WRN: variants seen among roughly 807,000 people sequenced by gnomAD.
WRN encodes bifunctional 3'-5' exonuclease/ATP-dependent helicase WRN.
In WRN, 149 loss-of-function variants were observed where a neutral mutation model predicts 180.7. The observed-to-expected ratio is 0.82, with a 90% CI of 0.72 to 0.94. WRN has a LOEUF of 0.94. WRN is among the 40% of genes least tolerant of loss of function. The pLI, the probability that WRN is intolerant of heterozygous loss-of-function variation, is 0.00. For synonymous variants in WRN, 548 were observed against 568.9 expected, an observed-to-expected ratio of 0.96 and a Z score of 0.52; for missense variants, 1,661 against 1,700.1, an observed-to-expected ratio of 0.98 and a Z score of 0.40.
At chr8:31,049,826 A>G (rs1483434660) in intron 1 of WRN, among the ~76,000 whole-genome samples, 1 of 152,120 alleles carries the variant, frequency 6.6e-6, no homozygotes, top group East Asian at 1.9e-4. Flanking sequence ...TAGTCCTGTC[A>G]TCATTCCAAC....
At position 31,164,017 on chromosome 8, in the gene WRN, T is replaced by C. The variant is rs1033087932; in HGVS notation, c.3983-3005T>C. On this transcript the variant is annotated intron_variant, in intron 33 of 34. Coordinates refer to ENST00000298139, the MANE Select transcript of WRN (RefSeq NM_000553.6). ...ACACCTGGCTAATTTTTAAGTATTT[T>C]TGTAGAGATGAGTTCTCACTACATT... Among the ~76,000 whole-genome samples, 91 of 152,240 alleles carry C rather than the reference T, an allele frequency of 6.0e-4. 1 individual carries two copies. Among genetic ancestry groups the C allele is most frequent in the African/African-American group, 2.2e-3 (90 of 41,552 alleles).
intron 17 of WRN, among the ~76,000 whole-genome samples, chr8:31,097,200 G>A (rs1167659817): frequency 2.0e-5 from 3 of 152,138 alleles, no homozygotes; most frequent in Non-Finnish European, 4.4e-5. Flanking sequence ...AATGAATGTT[G>A]AATCCTAGGT....
chr8:31,124,367 A>G (rs548579638), intron 21 of WRN, among the ~76,000 whole-genome samples, 155 bp from the exon 22 acceptor site: 1 of 152,188 alleles, frequency 6.6e-6, no homozygotes, highest in Non-Finnish European at 1.5e-5. Flanking sequence ...AAGGAATACA[A>G]CAGAACTTTC....
chr8:31,045,504 G>A (rs1367962839), intron 1 of WRN, among the ~76,000 whole-genome samples: 2 of 151,738 alleles, frequency 1.3e-5, no homozygotes, highest in South Asian at 2.1e-4. Context: ...CCAGGTTCAA[G>A]CAATTCTCCT....
intron 7 of WRN, among the ~76,000 whole-genome samples, chr8:31,069,479 TCA>T: frequency 6.6e-6 from 1 of 152,244 alleles, no homozygotes; most frequent in Middle Eastern, 3.4e-3. Flanking sequence ...AAAAAAAAAT[TCA>T]CAGTTTTAAA....
At chr8:31,169,603 A>G (rs1443124098) in intron 34 of WRN, among the ~76,000 whole-genome samples, 1 of 152,018 alleles carries the variant, frequency 6.6e-6, no homozygotes, top group Non-Finnish European at 1.5e-5. Context: ...TCTTTTGCTC[A>G]TTTTCGTATG....
At chr8:31,132,304 T>C in intron 23 of WRN, 61 bp from the exon 24 acceptor site, 1 of 1,570,546 alleles carries the variant, frequency 6.4e-7, no homozygotes, top group Non-Finnish European at 8.6e-7. Flanking sequence ...GCTAAATCTT[T>C]TGATTTCTAA....
Position 31,096,767 on chromosome 8 carries a change from G to GA in WRN, c.1899dup (p.Gly634ArgfsTer2). The GA allele has an allele frequency of 6.3e-7, 1 of 1,588,270 alleles. No homozygotes were observed. The highest frequency in any genetic ancestry group is 8.6e-7 in the Non-Finnish European group (1 of 1,165,480). ...CTTTTTTCTTTTGTTTGTTTTTACA[G>GA]AGGTAAATACCGGATTGTATACGTA... On this transcript the variant is annotated frameshift_variant and splice_region_variant. Coordinates refer to ENST00000298139, the MANE Select transcript of WRN (RefSeq NM_000553.6). LOFTEE classifies it high-confidence loss of function.
In WRN at chr8:31,164,521, TTTG is replaced by T. The variant is rs1290602841; in HGVS notation, c.3983-2498_3983-2496del. ...CATAGCTATTAATTTCATACTCTTA[TTTG>T]TTAAGTAGATTTTGTCTGGAAAACT... On this transcript the variant is annotated intron_variant, in intron 33 of 34. Transcript: ENST00000298139. Among the ~76,000 whole-genome samples the T allele has an allele frequency of 2.0e-5, 3 of 152,336 alleles. No homozygotes were observed. In the East Asian group the frequency reaches 5.8e-4, roughly 29 times the overall value.
At chr8:31,097,080 T>C (rs143009136) in intron 17 of WRN, among the ~76,000 whole-genome samples, 1 of 152,212 alleles carries the variant, frequency 6.6e-6, no homozygotes, top group African/African-American at 2.4e-5. Flanking sequence ...TGTTTATATA[T>C]CTGTTTTCTT....
At chr8:31,043,271 G>A (rs954268637) in intron 1 of WRN, among the ~76,000 whole-genome samples, 1 of 152,202 alleles carries the variant, frequency 6.6e-6, no homozygotes, top group Admixed American at 6.5e-5. Flanking sequence ...CCCGAAATTT[G>A]TTGCAATTGG....
rs1395511634 is a variant in WRN, at chr8:31,058,491, G to A, written c.44G>A (p.Cys15Tyr). 1.9e-6 allele frequency: 3 copies of A among 1,613,814 alleles called. No individual in the cohort carries two copies. Among genetic ancestry groups the A allele is most frequent in the African/African-American group, 1.3e-5 (1 of 75,058 alleles). ...KLETTAQQRK[C>Y]PEWMNVQNKR... ...GAAACAACTGCACAGCAGCGGAAAT[G>A]TCCTGAATGGATGAATGTGCAGAAT... Residue 15 changes from cysteine (C) to tyrosine (Y), a missense_variant, in exon 2 of 35, where the codon TGT becomes TAT. Cys to Tyr is a radical substitution (Grantham distance 194, BLOSUM62 -2). Transcript: ENST00000298139.
intron 31 of WRN, among the ~76,000 whole-genome samples, chr8:31,153,574 T>G (rs888637157): frequency 6.6e-6 from 1 of 152,218 alleles, no homozygotes; most frequent in Non-Finnish European, 1.5e-5. Context: ...TGTGTTGATG[T>G]GAGAGTTTAG....
chr8:31,040,193 A>C (rs778063307), intron 1 of WRN, among the ~76,000 whole-genome samples: 4 of 152,214 alleles, frequency 2.6e-5, no homozygotes, highest in Non-Finnish European at 5.9e-5. Flanking sequence ...TAAGATGGGA[A>C]ATATACAAAA....
At chr8:31,155,622 CAA>C (rs748568497) in intron 32 of WRN, among the ~76,000 whole-genome samples, 70 of 98,282 alleles carry the variant, frequency 7.1e-4, no homozygotes, top group African/African-American at 1.3e-3. Context: ...ACTCGGTCTC[CAA>C]AAAAAAAAAA....
At chr8:31,035,713 C>T (rs1811428982) in intron 1 of WRN, among the ~76,000 whole-genome samples, 1 of 152,124 alleles carries the variant, frequency 6.6e-6, no homozygotes, top group Non-Finnish European at 1.5e-5. Flanking sequence ...GCCAATTCCA[C>T]TCAGAATTCT....
chr8:31,055,847 A>G (rs1439661440), intron 1 of WRN, among the ~76,000 whole-genome samples: 4 of 152,174 alleles, frequency 2.6e-5, no homozygotes, highest in African/African-American at 9.6e-5. Context: ...TGTGAATTTG[A>G]CCGAAAATAA....
intron 30 of WRN, among the ~76,000 whole-genome samples, chr8:31,148,279 T>G (rs1802947192): frequency 6.6e-6 from 1 of 152,160 alleles, no homozygotes; most frequent in African/African-American, 2.4e-5. Flanking sequence ...TGACACCACG[T>G]TAATTCTGAC....
At chr8:31,155,112 A>G (rs1201535855) in intron 32 of WRN, among the ~76,000 whole-genome samples, 1 of 152,230 alleles carries the variant, frequency 6.6e-6, no homozygotes, top group African/African-American at 2.4e-5. Context: ...ATGCATTAAG[A>G]AAAAGGAAGG....
Sources: gnomAD v4.1 joint callset for allele counts (sites outside exome capture counted in the v4.1 genomes callset) on GRCh38, gnomAD v4.1.1 for gene constraint, MANE v1.5 for transcripts, NCBI Gene and HGNC (gene_info 2026-07-23, HGNC 2026-07-21) for gene names.